The following MAML3 variants were observed in gnomAD, a reference collection of about 807,000 sequenced individuals.
The protein encoded by MAML3 is mastermind-like protein 3.
MAML3 carries 27 observed loss-of-function variants against 101.9 expected under a neutral mutation model. The observed-to-expected ratio is 0.27, with a 90% CI of 0.20 to 0.37. The LOEUF is 0.37. MAML3 is among the 10% of genes least tolerant of loss of function. The pLI, the probability that MAML3 is intolerant of heterozygous loss-of-function variation, is 1.00. For synonymous variants in MAML3, 501 were observed against 555.9 expected (o/e 0.90, Z 1.39); for missense variants, 1,316 against 1,444.9 (o/e 0.91, Z 1.45).
chr4:140,094,284 C>T (rs1728112765), intron 1 of MAML3, among the ~76,000 whole-genome samples: 1 of 152,214 alleles, frequency 6.6e-6, no homozygotes, highest in African/African-American at 2.4e-5. Flanking sequence ...TTGTACACGT[C>T]ATCTTGAGCT....
At chr4:139,928,368 A>G (rs13103977) in intron 1 of MAML3, among the ~76,000 whole-genome samples, 50,790 of 152,140 alleles carry the variant, frequency 0.33, 9,528 homozygotes, top group East Asian at 0.64. Context: ...GATTACAAAG[A>G]AATCTTAGGC....
chr4:139,877,800 G>A (rs1387161627), intron 2 of MAML3, among the ~76,000 whole-genome samples: 8 of 152,134 alleles, frequency 5.3e-5, no homozygotes, highest in East Asian at 1.9e-4. Flanking sequence ...AGTAAATTAC[G>A]TGTTTAAATT....
chr4:139,936,137 T>A lies in MAML3; in HGVS notation c.469-45170A>T, dbSNP rs11946451. 6.6e-3 allele frequency among the ~76,000 whole-genome samples: 1,008 copies of A among 152,282 alleles called. 8 individuals carry two copies. Among genetic ancestry groups the A allele is most frequent in the African/African-American group, 0.023 (961 of 41,556 alleles). ...CAGTATCTGTCTTTCTCTGCTTGGC[T>A]TATTACATTTAGCATAATGTCCTCC... On this transcript the variant is annotated intron_variant, in intron 1 of 4. Transcript: ENST00000509479.
chr4:139,928,135 A>G lies in MAML3; in HGVS notation c.469-37168T>C, dbSNP rs79447916. ...ACTGCTAGCCTGATTCCAATCCAAC[A>G]TCACAGGGTTCATGCTGGCCTTCTC... On this transcript the variant is annotated intron_variant, in intron 1 of 4. Transcript: ENST00000509479. 3.1e-3 allele frequency among the ~76,000 whole-genome samples: 479 copies of G among 152,292 alleles called. 3 individuals carry two copies. Among genetic ancestry groups the G allele is most frequent in the African/African-American group, 0.011 (449 of 41,560 alleles).
At chr4:139,965,317 T>C (rs1406654937) in intron 1 of MAML3, among the ~76,000 whole-genome samples, 1 of 152,128 alleles carries the variant, frequency 6.6e-6, no homozygotes, top group Non-Finnish European at 1.5e-5. Flanking sequence ...CTGTATGAAC[T>C]TGAGAGTTGA....
chr4:140,022,628 G>A (rs1417443101), intron 1 of MAML3, among the ~76,000 whole-genome samples: 3 of 152,216 alleles, frequency 2.0e-5, no homozygotes, highest in Non-Finnish European at 4.4e-5. Context: ...AGCAAAATGT[G>A]TGTAGGCCAG....
intron 2 of MAML3, among the ~76,000 whole-genome samples, chr4:139,840,717 T>A (rs765607898): frequency 2.6e-4 from 39 of 152,200 alleles, no homozygotes; most frequent in Non-Finnish European, 5.0e-4. Context: ...TAAGAAGCTG[T>A]GACAGGGCGT....
At chr4:139,734,547 A>G (rs2111002476) in intron 2 of MAML3, among the ~76,000 whole-genome samples, 1 of 152,320 alleles carries the variant, frequency 6.6e-6, no homozygotes, top group Non-Finnish European at 1.5e-5. Flanking sequence ...ATCAAAACCA[A>G]CGAACCTATT....
intron 1 of MAML3, among the ~76,000 whole-genome samples, chr4:139,923,038 T>A (rs1733156327): frequency 6.6e-6 from 1 of 152,114 alleles, no homozygotes; most frequent in Admixed American, 6.6e-5. Flanking sequence ...CATGATAGGG[T>A]GCCAGAGGGA....
At chr4:139,827,154 T>C (rs1731075258) in intron 2 of MAML3, among the ~76,000 whole-genome samples, 1 of 151,980 alleles carries the variant, frequency 6.6e-6, no homozygotes, top group Admixed American at 6.6e-5. Flanking sequence ...TTCTGGAAAG[T>C]GAGGTGAAAT....
intron 1 of MAML3, among the ~76,000 whole-genome samples, chr4:140,106,388 A>G (rs771547906): frequency 2.6e-5 from 4 of 152,208 alleles, no homozygotes; most frequent in African/African-American, 4.8e-5. Context: ...ATTTCCTTAC[A>G]TGATACACAT....
At chr4:140,113,605 C>T (rs1237098822) in intron 1 of MAML3, among the ~76,000 whole-genome samples, 1 of 152,216 alleles carries the variant, frequency 6.6e-6, no homozygotes, top group African/African-American at 2.4e-5. Flanking sequence ...GGCCTTCAAA[C>T]TCCACCAATA....
intron 1 of MAML3, among the ~76,000 whole-genome samples, chr4:140,030,734 G>A (rs927372821): frequency 6.6e-6 from 1 of 152,080 alleles, no homozygotes; most frequent in African/African-American, 2.4e-5. Context: ...TCCAAATGCT[G>A]CCAACTAAGT....
At chr4:139,789,676 G>C (rs1730367686) in intron 2 of MAML3, among the ~76,000 whole-genome samples, 2 of 152,166 alleles carry the variant, frequency 1.3e-5, no homozygotes, top group Non-Finnish European at 2.9e-5. Flanking sequence ...CCAAAGAAGT[G>C]ATATATAATT....
chr4:139,792,154 C>A (rs1158983825), intron 2 of MAML3, among the ~76,000 whole-genome samples: 1 of 152,140 alleles, frequency 6.6e-6, no homozygotes, highest in East Asian at 1.9e-4. Flanking sequence ...TCCAAGCATG[C>A]GATTCAGCTC....
chr4:139,943,864 CTTTTTTT>C lies in MAML3; in HGVS notation c.469-52904_469-52898del, dbSNP rs10644498. Among the ~76,000 whole-genome samples the C allele has an allele frequency of 8.2e-4, 54 of 65,864 alleles. 1 individual carries two copies. The highest frequency in any genetic ancestry group is 2.0e-3 in the African/African-American group (34 of 17,084). 43.2% of individuals were successfully genotyped at this position (65,864 alleles called of 152,430 possible). On this transcript the variant is annotated intron_variant, in intron 1 of 4. Transcript: ENST00000509479. ...GGTTGGGTTGTGGGCCTAAAGACAACTTTTTTTTTTTTTTTTTTTTTTTTGAGACGGA... is the reference window on the plus strand; with the variant it reads ...GGTTGGGTTGTGGGCCTAAAGACAACTTTTTTTTTTTTTTTTTGAGACGGA...
At chr4:140,015,618 G>A (rs1031894147) in intron 1 of MAML3, among the ~76,000 whole-genome samples, 59 of 152,260 alleles carry the variant, frequency 3.9e-4, no homozygotes, top group African/African-American at 1.4e-3. Context: ...CAAAGTGTTG[G>A]AAGTGCTAGC....
rs148849223 is a variant in MAML3, at chr4:140,017,578, G to A, written c.469-126611C>T. On this transcript the variant is annotated intron_variant, in intron 1 of 4. Coordinates refer to ENST00000509479, the MANE Select transcript of MAML3 (RefSeq NM_018717.5). The stretch of plus-strand genomic sequence containing the variant: ...TTCAAGGGATGAATGCTTAAACAAA[G>A]TATTGCATATCCATACTATGGCATA... Among the ~76,000 whole-genome samples the A allele has an allele frequency of 3.4e-3, 522 of 151,704 alleles. 1 individual carries two copies. The highest frequency in any genetic ancestry group is 6.5e-3 in the Non-Finnish European group (442 of 67,924).
rs1053139096 is a variant in MAML3 at position 140,152,977 on chromosome 4, G to C, written c.351C>G (p.Thr117=). 3.1e-6 allele frequency: 5 copies of C among 1,610,776 alleles called. No homozygotes were observed. In the African/African-American group the frequency reaches 5.3e-5, roughly 17 times the overall value. Reference sequence around the variant, plus strand: ...CCGATTTCTTGGCCCTCTGCTCCAGGGTCCGCTGGTAGAGGCTCACGGTGT... The same window carrying C: ...CCGATTTCTTGGCCCTCTGCTCCAGCGTCCGCTGGTAGAGGCTCACGGTGT... The part of the protein sequence containing the change: ...RRDTVSLYQR[T]LEQRAKKSGA... The change falls in exon 1 of 5, where the codon ACC becomes ACG. Residue 117 remains threonine (T), a synonymous_variant. Coordinates refer to ENST00000509479, the MANE Select transcript of MAML3 (RefSeq NM_018717.5).
Sources: allele counts gnomAD v4.1 joint callset (sites outside exome capture counted in the v4.1 genomes callset), GRCh38; gene constraint gnomAD v4.1.1; transcripts MANE v1.5; gene names NCBI Gene and HGNC (gene_info 2026-07-23, HGNC 2026-07-21).